The following ATOSA variants were observed in gnomAD, a reference collection of about 807,000 sequenced individuals.
ATOSA encodes the protein atos homolog protein A.
chr15:52,609,533 C>A, the ATOSA span: 1 of 1,613,578 alleles, frequency 6.2e-7, no homozygotes, highest in African/African-American at 1.3e-5. Flanking sequence ...GAATAAAAGT[C>A]ATTAGAAATA....
chr15:52,639,479 A>G, the ATOSA span, among the ~76,000 whole-genome samples: 6 of 152,220 alleles, frequency 3.9e-5, no homozygotes, highest in Non-Finnish European at 7.3e-5. Flanking sequence ...AGTGAGTAGT[A>G]AAATATATTG....
the ATOSA span, among the ~76,000 whole-genome samples, chr15:52,648,253 A>G: frequency 6.6e-6 from 1 of 152,324 alleles, no homozygotes; most frequent in South Asian, 2.1e-4. Context: ...ACTAAGGCCC[A>G]GAAGGTGAAA....
chr15:52,600,890 A>G, the ATOSA span, among the ~76,000 whole-genome samples: 1 of 152,046 alleles, frequency 6.6e-6, no homozygotes, highest in East Asian at 1.9e-4. Flanking sequence ...TATTATGATG[A>G]CCACTATATA....
At chr15:52,666,088 T>C in the ATOSA span, among the ~76,000 whole-genome samples, 2 of 152,172 alleles carry the variant, frequency 1.3e-5, no homozygotes, top group East Asian at 1.9e-4. Context: ...AGCATTACTA[T>C]TGGGTATTTT....
the ATOSA span, among the ~76,000 whole-genome samples, chr15:52,625,318 A>T: frequency 6.6e-6 from 1 of 152,104 alleles, no homozygotes; most frequent in African/African-American, 2.4e-5. Flanking sequence ...GACATTAGTG[A>T]CAAGTGTGAA....
chr15:52,600,244 A>G, the ATOSA span: 2 of 1,539,982 alleles, frequency 1.3e-6, no homozygotes, highest in Non-Finnish European at 1.8e-6. Context: ...GACTATTAGA[A>G]AAACAAATCA....
the ATOSA span, among the ~76,000 whole-genome samples, chr15:52,683,272 A>T: frequency 6.6e-6 from 1 of 152,350 alleles, no homozygotes; most frequent in South Asian, 2.1e-4. Context: ...TGAGGCTCAG[A>T]GAAACAAGTA....
the ATOSA span, among the ~76,000 whole-genome samples, chr15:52,685,273 T>G: frequency 6.6e-6 from 1 of 152,344 alleles, no homozygotes; most frequent in Non-Finnish European, 1.5e-5. Context: ...ATGTGTCATG[T>G]GGCATTTAAT....
the ATOSA span, chr15:52,608,949 C>A: frequency 2.5e-6 from 4 of 1,609,188 alleles, no homozygotes; most frequent in Non-Finnish European, 3.4e-6. Context: ...TTTCCTTATA[C>A]TTATTTGTAC....
the ATOSA span, among the ~76,000 whole-genome samples, chr15:52,684,868 T>C: frequency 1.3e-5 from 2 of 152,188 alleles, no homozygotes; most frequent in East Asian, 3.8e-4. Context: ...TGAGCCACCA[T>C]GCCTAGCTCC....
At chr15:52,610,131 T>C in the ATOSA span, 3 of 1,614,058 alleles carry the variant, frequency 1.9e-6, no homozygotes, top group Non-Finnish European at 8.5e-7. Flanking sequence ...GTGAACTGTT[T>C]GTACCACATT....
the ATOSA span, among the ~76,000 whole-genome samples, chr15:52,596,930 T>C: frequency 6.6e-6 from 1 of 152,190 alleles, no homozygotes; most frequent in Non-Finnish European, 1.5e-5. Flanking sequence ...TATATGCTTA[T>C]TTGGCAAGTA....
the ATOSA span, among the ~76,000 whole-genome samples, chr15:52,618,195 C>T: frequency 2.0e-4 from 30 of 152,166 alleles, no homozygotes; most frequent in African/African-American, 5.5e-4. Context: ...CCTACCACCA[C>T]GTCTGGCTAA....
chr15:52,686,167 C>T, the ATOSA span, among the ~76,000 whole-genome samples: 1 of 152,224 alleles, frequency 6.6e-6, no homozygotes, highest in East Asian at 1.9e-4. Flanking sequence ...CTTCACTCTT[C>T]ATGAGCTGGT....
the ATOSA span, among the ~76,000 whole-genome samples, chr15:52,690,024 G>T: frequency 2.4e-4 from 36 of 152,216 alleles, no homozygotes; most frequent in East Asian, 4.8e-3. Context: ...ATTTTTTTGT[G>T]TTCTTTTTAA....
At chr15:52,605,011 G>T in the ATOSA span, 1 of 669,340 alleles carries the variant, frequency 1.5e-6, no homozygotes, top group Non-Finnish European at 2.5e-6. Context: ...AAAATAAAAT[G>T]TTTCCTTACT....
At chr15:52,596,150 C>T in the ATOSA span, among the ~76,000 whole-genome samples, 2 of 151,844 alleles carry the variant, frequency 1.3e-5, no homozygotes, top group Non-Finnish European at 2.9e-5. Flanking sequence ...GATATGCATG[C>T]TAAAAACTAT....
At chr15:52,637,141 A>C in the ATOSA span, among the ~76,000 whole-genome samples, 3 of 152,128 alleles carry the variant, frequency 2.0e-5, no homozygotes, top group Non-Finnish European at 2.9e-5. Context: ...ACATGTATTT[A>C]TCATTTTTGT....
chr15:52,634,048 A>G, the ATOSA span, among the ~76,000 whole-genome samples: 1 of 152,152 alleles, frequency 6.6e-6, no homozygotes, highest in Admixed American at 6.6e-5. Flanking sequence ...AACTAGTAGT[A>G]AAAAACAAAA....
Sources: gnomAD v4.1 joint callset for allele counts (sites outside exome capture counted in the v4.1 genomes callset) on GRCh38, gnomAD v4.1.1 for gene constraint, MANE v1.5 for transcripts, NCBI Gene and HGNC (gene_info 2026-07-23, HGNC 2026-07-21) for gene names.